The following ACADS variants were observed in gnomAD, a reference collection of about 807,000 sequenced individuals.
The protein encoded by ACADS is short-chain specific acyl-CoA dehydrogenase, mitochondrial.
A neutral mutation model predicts 46.8 loss-of-function variants in ACADS; 28 were observed. The observed-to-expected ratio is 0.60, with a 90% CI of 0.44 to 0.82. ACADS has a LOEUF of 0.82. ACADS is among the 40% of genes least tolerant of loss of function. The pLI is 0.00. For missense variants in ACADS, 528 were observed against 578.0 expected, an observed-to-expected ratio of 0.91 and a Z score of 0.89; for synonymous variants, 236 against 237.7, an observed-to-expected ratio of 0.99 and a Z score of 0.07.
At chr12:120,732,707 G>T (rs1293219158) in intron 2 of ACADS, among the ~76,000 whole-genome samples, 1 of 151,040 alleles carries the variant, frequency 6.6e-6, no homozygotes, top group African/African-American at 2.4e-5. Context: ...ATGGGATGGC[G>T]GCCGGGAAGA....
intron 8 of ACADS, 81 bp downstream of exon 8, chr12:120,738,996 C>T: frequency 6.3e-7 from 1 of 1,592,990 alleles, no homozygotes; most frequent in Non-Finnish European, 8.6e-7. Context: ...GTCTCTGCTC[C>T]TTGGCCCCGT....
Position 120,738,849 on chromosome 12 carries a change from G to A in ACADS, c.963G>A (p.Leu321=), listed in dbSNP as rs749523619. The part of the protein sequence containing the change: ...QFKLADMALA[L]ESARLLTWRA... ...AGTTGGCAGACATGGCCCTGGCCCT[G>A]GAGAGTGCCCGGCTGCTGACCTGGC... The change falls in exon 8 of 10, where the codon CTG becomes CTA. Residue 321 remains leucine, a synonymous_variant. Transcript: ENST00000242592. The A allele has an allele frequency of 1.2e-6, 2 of 1,613,582 alleles. No individual in the cohort carries two copies. The highest frequency in any genetic ancestry group is 1.7e-6 in the Non-Finnish European group (2 of 1,179,784).
intron 2 of ACADS, among the ~76,000 whole-genome samples, chr12:120,735,683 G>A (rs1332370979): frequency 1.3e-5 from 2 of 152,028 alleles, no homozygotes; most frequent in South Asian, 2.1e-4. Flanking sequence ...GGTGGATCAC[G>A]AGGTCGGGAG....
At position 120,735,070 on chromosome 12, in the gene ACADS, G is replaced by A. The variant is rs189234492; in HGVS notation, c.211-1916G>A. Among the ~76,000 whole-genome samples, 48 of 149,618 alleles carry A rather than the reference G, an allele frequency of 3.2e-4. 1 individual carries two copies. In the East Asian group the frequency reaches 7.5e-3, roughly 23 times the overall value. On this transcript the variant is annotated intron_variant, in intron 2 of 9. Coordinates refer to ENST00000242592, the MANE Select transcript of ACADS (RefSeq NM_000017.4). Reference sequence around the variant, plus strand: ...GCGCATCACTTCAGGTCAGAAGTTCGAGAACAGCCTGGCTAATGTGGTGAA... The same window carrying A: ...GCGCATCACTTCAGGTCAGAAGTTCAAGAACAGCCTGGCTAATGTGGTGAA...
chr12:120,732,703 TG>T (rs1883294555), intron 2 of ACADS, among the ~76,000 whole-genome samples: 2 of 150,260 alleles, frequency 1.3e-5, no homozygotes, highest in South Asian at 4.2e-4. Context: ...CTAGATGGGA[TG>T]GCGGCCGGGA....
In ACADS at chr12:120,739,313, C is replaced by T. The variant is rs200165866; in HGVS notation, c.1104C>T (p.Gly368=). 335 of 1,613,032 alleles carry T rather than the reference C, an allele frequency of 2.1e-4. 4 individuals are homozygous for T. In the East Asian group the frequency reaches 6.4e-3, roughly 31 times the overall value. ...AISHQAIQIL[G]GMGYVTEMPA... is the part of the protein sequence containing the mutation. ...CATCTCAGGCCATCCAGATCCTGGG[C>T]GGCATGGGCTACGTGACAGAGATGC... is the stretch of plus-strand genomic sequence containing the variant. The change falls in exon 10 of 10, where the codon GGC becomes GGT. Residue 368 remains glycine (G), a synonymous_variant. Transcript: ENST00000242592.
chr12:120,736,170 T>G (rs181287762), intron 2 of ACADS, among the ~76,000 whole-genome samples: 1 of 151,742 alleles, frequency 6.6e-6, no homozygotes, highest in Non-Finnish European at 1.5e-5. Flanking sequence ...TTGGTAGAGA[T>G]GGGGTCTTGC....
chr12:120,738,466 G>T lies in ACADS; in HGVS notation c.795+16G>T. 6.2e-7 allele frequency: 1 copy of T among 1,607,608 alleles called. No individual in the cohort carries two copies. The highest frequency in any genetic ancestry group is 8.5e-7 in the Non-Finnish European group (1 of 1,179,612). On this transcript the variant is annotated intron_variant, in intron 6 of 9. Transcript: ENST00000242592. ...GATAGCCATGGTGAGCCCGGCAGTG[G>T]GGGTGGCACCTTGAGGCCAGGCCCG...
At chr12:120,727,533 AC>A (rs1336285746) in intron 2 of ACADS, among the ~76,000 whole-genome samples, 8 of 152,162 alleles carry the variant, frequency 5.3e-5, no homozygotes, top group Admixed American at 1.3e-4. Context: ...AGGTGAAGGT[AC>A]TATTCTTATT....
intron 4 of ACADS, 93 bp from the exon 5 acceptor site, chr12:120,737,744 G>A (rs747481635): frequency 7.6e-6 from 12 of 1,569,112 alleles, no homozygotes; most frequent in Middle Eastern, 3.7e-4. Flanking sequence ...ATAGGGTTTC[G>A]TGTCTGCCAG....
Position 120,738,408 on chromosome 12 carries a change from C to G in ACADS, c.753C>G (p.Asp251Glu). ...TTGAGGACTGTCGCATCCCCAAGGA[C>G]AGCATCCTGGGGGAGCCAGGGATGG... is the stretch of plus-strand genomic sequence containing the variant. ...LIFEDCRIPKDSILGEPGMGF... is the reference protein window; with the variant it reads ...LIFEDCRIPKESILGEPGMGF... The change falls in exon 6 of 10, where the codon GAC (aspartate) becomes GAG (glutamate). Residue 251 changes from aspartate (D) to glutamate (E), a missense_variant. Asp to Glu is a conservative substitution (Grantham distance 45, BLOSUM62 2). Transcript: ENST00000242592. The G allele has an allele frequency of 6.2e-7, 1 of 1,613,432 alleles. No individual in the cohort carries two copies. The highest frequency in any genetic ancestry group is 8.5e-7 in the Non-Finnish European group (1 of 1,180,030).
At chr12:120,739,030 T>C in intron 8 of ACADS, 110 bp from the exon 9 acceptor site, 1 of 1,581,792 alleles carries the variant, frequency 6.3e-7, no homozygotes, top group Non-Finnish European at 8.7e-7. Flanking sequence ...GGGCCTGGGG[T>C]TTACAGCCCC....
rs781119134 is a variant in ACADS, at chr12:120,738,593, G to A, written c.856G>A (p.Ala286Thr). Reference sequence around the variant, plus strand: ...CCAGGCCCTGGGCATTGCCCAGACCGCCCTCGATTGTGCTGTGAACTACGC... The same window carrying A: ...CCAGGCCCTGGGCATTGCCCAGACCACCCTCGATTGTGCTGTGAACTACGC... ...ASQALGIAQT[A>T]LDCAVNYAEN... Residue 286 changes from alanine (A) to threonine (T), a missense_variant, in exon 7 of 10, where the codon GCC becomes ACC. Transcript: ENST00000242592. 6.2e-6 allele frequency: 10 copies of A among 1,613,026 alleles called. No individual in the cohort carries two copies. The highest frequency in any genetic ancestry group is 5.5e-5 in the South Asian group (5 of 91,090).
At chr12:120,733,190 T>A (rs1883318655) in intron 2 of ACADS, among the ~76,000 whole-genome samples, 1 of 152,124 alleles carries the variant, frequency 6.6e-6, no homozygotes, top group African/African-American at 2.4e-5. Context: ...CAGCTTCGGC[T>A]CGGCATCAGA....
chr12:120,726,895 A>G (rs1429883646), intron 1 of ACADS, 131 bp from the exon 2 acceptor site: 3 of 1,042,506 alleles, frequency 2.9e-6, no homozygotes, highest in Non-Finnish European at 4.5e-6. Context: ...AGTTGTGACA[A>G]CTAGAACTGG....
chr12:120,738,778 G>C (rs767442503), intron 7 of ACADS, 42 bp from the exon 8 acceptor site: 1 of 1,612,930 alleles, frequency 6.2e-7, no homozygotes, highest in Non-Finnish European at 8.5e-7. Flanking sequence ...GTCCCCTGGA[G>C]GGGCAGCTGC....
chr12:120,726,892 A>G (rs1394225778), intron 1 of ACADS, 134 bp from the exon 2 acceptor site: 3 of 1,011,324 alleles, frequency 3.0e-6, no homozygotes, highest in Admixed American at 1.7e-5. Flanking sequence ...TCTAGTTGTG[A>G]CAACTAGAAC....
rs767874760 is a variant in ACADS at position 120,737,417 on chromosome 12, C to T, written c.422C>T (p.Thr141Met). Reference sequence around the variant, plus strand: ...AAGGAGCAGAAGCAGGCGTGGGTCACGCCTTTCACCAGTGGTGACAAAATT... The same window carrying T: ...AAGGAGCAGAAGCAGGCGTGGGTCATGCCTTTCACCAGTGGTGACAAAATT... ...GSKEQKQAWV[T>M]PFTSGDKIGC... The change falls in exon 4 of 10, where the codon ACG (threonine) becomes ATG (methionine). Residue 141 changes from threonine (T) to methionine (M), a missense_variant. Thr to Met is a moderately conservative substitution (Grantham distance 81). Transcript: ENST00000242592. 9.3e-6 allele frequency: 15 copies of T among 1,614,072 alleles called. No individual in the cohort carries two copies. The East Asian group carries it at 2.0e-4, about 22-fold the overall frequency.
At position 120,737,517 on chromosome 12, in the gene ACADS, G is replaced by A. The variant is rs770456519; in HGVS notation, c.472+50G>A. 1.4e-5 allele frequency: 22 copies of A among 1,531,554 alleles called. 1 individual carries two copies. The South Asian group carries it at 2.5e-4, about 17-fold the overall frequency. The allele number at this position is 1,531,554 out of a possible 1,614,324, so 94.9% of individuals were successfully genotyped here. On this transcript the variant is annotated intron_variant, in intron 4 of 9. Transcript: ENST00000242592. ...TCCTTAGGGTGACAGGCCCAGAGGG[G>A]AGGAGAGGAAGGTGCTAGGCCAACT...
Sources: gnomAD v4.1 joint callset for allele counts (sites outside exome capture counted in the v4.1 genomes callset) on GRCh38, gnomAD v4.1.1 for gene constraint, MANE v1.5 for transcripts, NCBI Gene and HGNC (gene_info 2026-07-23, HGNC 2026-07-21) for gene names.